MROH2A: variants seen among roughly 807,000 people sequenced by gnomAD.
MROH2A encodes the protein maestro heat-like repeat-containing protein family member 2A.
In MROH2A, 174 loss-of-function variants were observed where a neutral mutation model predicts 200.4. That is an observed-to-expected ratio of 0.87 (90% CI 0.77 to 0.98). The LOEUF (loss-of-function observed/expected upper bound fraction) is 0.98, where lower values mean the gene tolerates loss of function less well. Ranked by LOEUF, MROH2A falls within the 50% of genes least tolerant of loss-of-function variation. MROH2A has a pLI of 0.00. For synonymous variants in MROH2A, 829 were observed against 840.4 expected (o/e 0.99, Z 0.23); for missense variants, 2,045 against 2,139.6 (o/e 0.96, Z 0.87).
chr2:233,802,374 G>C, intron 15 of MROH2A, 59 bp downstream of exon 15: 1 of 1,498,990 alleles, frequency 6.7e-7, no homozygotes, highest in South Asian at 1.3e-5. Flanking sequence ...TCCTTGTCTG[G>C]GAATGCCCAC....
Position 233,802,258 on chromosome 2 carries a change from G to A in MROH2A, c.1651G>A (p.Glu551Lys). Residue 551 changes from glutamate to lysine, a missense_variant, in exon 15 of 42, where the codon GAA (glutamate) becomes AAA (lysine). By Grantham distance (56) the Glu-to-Lys change is moderately conservative (BLOSUM62 1). Coordinates refer to ENST00000389758, the MANE Select transcript of MROH2A (RefSeq NM_001394639.1). Reference sequence around the variant, plus strand: ...CTGTATCAGCCTCACAAACCTGGCAGAACACCAGCTCCATGGCCAGGATGT... The same window carrying A: ...CTGTATCAGCCTCACAAACCTGGCAAAACACCAGCTCCATGGCCAGGATGT... ...PICISLTNLA[E>K]HQLHGQDVDV... is the part of the protein sequence containing the mutation. 1 of 1,550,590 alleles carries A rather than the reference G, an allele frequency of 6.4e-7. No homozygotes were observed. Among genetic ancestry groups the A allele is most frequent in the Non-Finnish European group, 8.7e-7 (1 of 1,146,922 alleles).
At chr2:233,789,296 G>A (rs897637732) in intron 3 of MROH2A, among the ~76,000 whole-genome samples, 2 of 152,186 alleles carry the variant, frequency 1.3e-5, no homozygotes, top group Admixed American at 6.5e-5. Flanking sequence ...AGATACGCAA[G>A]TCATATTGAC....
chr2:233,811,800 G>A, intron 23 of MROH2A, 80 bp from the exon 24 acceptor site: 2 of 899,800 alleles, frequency 2.2e-6, no homozygotes, highest in Non-Finnish European at 1.8e-6. Context: ...GAAGTGCCAG[G>A]TCTTCCTCAT....
At chr2:233,811,238 G>A (rs17862893) in intron 23 of MROH2A, among the ~76,000 whole-genome samples, 12,095 of 152,306 alleles carry the variant, frequency 0.079, 908 homozygotes, top group African/African-American at 0.19. Flanking sequence ...CTGTCTCTCC[G>A]TGGGAGGGCC....
In MROH2A at chr2:233,817,904, G is replaced by A. The variant is rs182638133; in HGVS notation, c.2962-98G>A. ...TCCCCAAATGGGTGTTTCAGAGCAG[G>A]GTTTGCCCTATCAAGTTGTCCTTTA... On this transcript the variant is annotated intron_variant, in intron 27 of 41. Transcript: ENST00000389758. 43 of 1,430,004 alleles carry A rather than the reference G, an allele frequency of 3.0e-5. No homozygotes were observed. The African/African-American group carries it at 6.0e-4, about 20-fold the overall frequency. 88.6% of individuals were successfully genotyped at this position (1,430,004 alleles called of 1,614,324 possible). A position where few individuals can be genotyped will look rare whatever the true frequency, so the allele number is the denominator to read the frequency against.
chr2:233,806,935 C>A (rs1450132217), intron 19 of MROH2A, among the ~76,000 whole-genome samples: 1 of 152,090 alleles, frequency 6.6e-6, no homozygotes, highest in African/African-American at 2.4e-5. Flanking sequence ...TTTTATCCCC[C>A]ACCCCTTTCC....
Position 233,795,415 on chromosome 2 carries a change from C to T in MROH2A, c.967-238C>T, listed in dbSNP as rs117290858. Among the ~76,000 whole-genome samples the T allele has an allele frequency of 2.9e-3, 448 of 152,304 alleles. 7 individuals carry two copies. The East Asian group carries it at 0.03, about 10-fold the overall frequency. ...TGAAGGAGGCCTTGAATGCCACACT[C>T]AGGGGCCTAGCGCAGCACTTCCCAA... is the stretch of plus-strand genomic sequence containing the variant. On this transcript the variant is annotated intron_variant, in intron 8 of 41. Coordinates refer to ENST00000389758, the MANE Select transcript of MROH2A (RefSeq NM_001394639.1).
At chr2:233,823,749 G>A (rs747364159) in intron 35 of MROH2A, 85 bp downstream of exon 35, 8 of 1,502,232 alleles carry the variant, frequency 5.3e-6, no homozygotes, top group Non-Finnish European at 7.2e-6. Flanking sequence ...TTGTCTCCAA[G>A]GCATGGGAGT....
chr2:233,823,064 C>A (rs992100610), intron 34 of MROH2A, 46 bp downstream of exon 34: 3 of 1,544,220 alleles, frequency 1.9e-6, no homozygotes, highest in Non-Finnish European at 2.6e-6. Context: ...TGCAGAGGCA[C>A]CTCCTTGCTG....
rs1702062410 is a variant in MROH2A, at chr2:233,795,737, C to T, written c.1051C>T (p.His351Tyr). 2 of 1,550,980 alleles carry T rather than the reference C, an allele frequency of 1.3e-6. No individual in the cohort carries two copies. Among genetic ancestry groups the T allele is most frequent in the East Asian group, 2.4e-5 (1 of 40,932 alleles). ...MQLHTIFTEL[H>Y]VQVCNKAPAQ... is the part of the protein sequence containing the mutation. ...GCTACACACCATTTTCACAGAACTG[C>T]ACGTCCAGGTGAGGCCAGCAAGCTC... The change falls in exon 9 of 42, where the codon CAC (histidine) becomes TAC (tyrosine). Residue 351 changes from histidine (H) to tyrosine (Y), a missense_variant. Transcript: ENST00000389758.
In MROH2A at chr2:233,809,182, C is replaced by T; in HGVS notation, c.2352C>T (p.Ser784=). 6.4e-7 allele frequency: 1 copy of T among 1,550,500 alleles called. No individual in the cohort carries two copies. The change falls in exon 22 of 42, where the codon AGC becomes AGT. Residue 784 remains serine (S), a synonymous_variant. Transcript: ENST00000389758. ...TVKSALMVMY[S]CVASYCHPQL... Reference sequence around the variant, plus strand: ...AAAGTGCCCTCATGGTGATGTATAGCTGCGTGGCCTCCTACTGCCACCCCC... The same window carrying T: ...AAAGTGCCCTCATGGTGATGTATAGTTGCGTGGCCTCCTACTGCCACCCCC...
At chr2:233,791,851 A>AG (rs893455882) in intron 5 of MROH2A, among the ~76,000 whole-genome samples, 1 of 151,618 alleles carries the variant, frequency 6.6e-6, no homozygotes, top group African/African-American at 2.4e-5. Flanking sequence ...ATGGAGTGGG[A>AG]GGGGAGGAAG....
At chr2:233,830,438 C>G (rs553388045) in intron 38 of MROH2A, among the ~76,000 whole-genome samples, 1 of 152,168 alleles carries the variant, frequency 6.6e-6, no homozygotes. Context: ...GTTCTGCCCC[C>G]GCCTAGTAAG....
rs542852039 is a variant in MROH2A, at chr2:233,823,981, C to G, written c.4113+317C>G. On this transcript the variant is annotated intron_variant, in intron 35 of 41. Coordinates refer to ENST00000389758, the MANE Select transcript of MROH2A (RefSeq NM_001394639.1). ...GGGGCAGGCTTCCTGCAGGAGGACT[C>G]AGAGAGGCCGAGGGGCTTTGCTAGG... Among the ~76,000 whole-genome samples the G allele has an allele frequency of 2.0e-5, 3 of 152,262 alleles. No individual in the cohort carries two copies. The East Asian group carries it at 5.8e-4, about 30-fold the overall frequency.
chr2:233,832,293 C>A lies in MROH2A; in HGVS notation c.4837+14C>A, dbSNP rs1347373679. ...GCAACTTGGCAGGTGAGCAGAGAGA[C>A]GTCTCCTGACTCAAGATAGACTTTG... On this transcript the variant is annotated intron_variant, in intron 40 of 41. Transcript: ENST00000389758. The A allele has an allele frequency of 1.3e-6, 2 of 1,547,146 alleles. No homozygotes were observed. Among genetic ancestry groups the A allele is most frequent in the Admixed American group, 3.9e-5 (2 of 51,004 alleles).
intron 22 of MROH2A, 28 bp from the exon 23 acceptor site, chr2:233,810,766 C>T: frequency 6.5e-7 from 1 of 1,548,482 alleles, no homozygotes; most frequent in Non-Finnish European, 8.7e-7. Flanking sequence ...CAAACATTCT[C>T]TCCCTCCTTT....
At chr2:233,825,146 G>A (rs1001567913) in intron 35 of MROH2A, among the ~76,000 whole-genome samples, 1 of 152,168 alleles carries the variant, frequency 6.6e-6, no homozygotes, top group African/African-American at 2.4e-5. Flanking sequence ...GTGTAGGAAT[G>A]CTTGTGACTT....
At chr2:233,803,571 G>T (rs369109278) in intron 16 of MROH2A, 83 bp downstream of exon 16, 4 of 1,442,256 alleles carry the variant, frequency 2.8e-6, no homozygotes, top group African/African-American at 2.8e-5. Flanking sequence ...AATTCCCAGA[G>T]CCCCAGGGGT....
At chr2:233,821,667 C>T (rs1703945160) in intron 31 of MROH2A, among the ~76,000 whole-genome samples, 1 of 152,186 alleles carries the variant, frequency 6.6e-6, no homozygotes, top group African/African-American at 2.4e-5. Flanking sequence ...TGGCAGGTGG[C>T]CTGACTGCTG....
Sources: allele counts gnomAD v4.1 joint callset (sites outside exome capture counted in the v4.1 genomes callset), GRCh38; gene constraint gnomAD v4.1.1; transcripts MANE v1.5; gene names NCBI Gene and HGNC (gene_info 2026-07-23, HGNC 2026-07-21).